Variants in FHIT observed in about 807,000 individuals in gnomAD.
The protein encoded by FHIT is fragile histidine triad diadenosine triphosphatase, also known as bis(5'-adenosyl)-triphosphatase.
In FHIT, 19 loss-of-function variants were observed where a neutral mutation model predicts 17.9. The ratio of observed to expected loss-of-function variants is 1.06; its 90% CI spans 0.74 to 1.56. FHIT has a LOEUF of 1.56. Ranked by LOEUF, FHIT falls within the 40% of genes most tolerant of loss-of-function variation. FHIT has a pLI of 0.00. For missense variants in FHIT, 248 were observed against 189.2 expected (o/e 1.31, Z -1.82); for synonymous variants, 81 against 69.7 (o/e 1.16, Z -0.81).
At chr3:60,068,567 A>C (rs1249958246) in intron 5 of FHIT, among the ~76,000 whole-genome samples, 1 of 152,214 alleles carries the variant, frequency 6.6e-6, no homozygotes, top group Non-Finnish European at 1.5e-5. Context: ...ACCCCACCCA[A>C]GGGGTATCCT....
intron 8 of FHIT, among the ~76,000 whole-genome samples, chr3:59,851,086 C>T (rs1248403399): frequency 6.6e-6 from 1 of 152,164 alleles, no homozygotes; most frequent in South Asian, 2.1e-4. Flanking sequence ...ATATTCTGAT[C>T]CAGGACTCAA....
chr3:60,863,773 AG>A (rs1704034599), intron 3 of FHIT, among the ~76,000 whole-genome samples: 1 of 152,212 alleles, frequency 6.6e-6, no homozygotes, highest in African/African-American at 2.4e-5. Context: ...AATAATGCAA[AG>A]AACATAATAA....
At chr3:60,238,470 A>G (rs1318417376) in intron 5 of FHIT, among the ~76,000 whole-genome samples, 1 of 150,408 alleles carries the variant, frequency 6.6e-6, no homozygotes. Flanking sequence ...AAAAAGTCAC[A>G]GCACCATGGA....
intron 5 of FHIT, among the ~76,000 whole-genome samples, chr3:60,432,317 G>A (rs73096283): frequency 0.1 from 15,246 of 151,944 alleles, 1,255 homozygotes; most frequent in East Asian, 0.38. Flanking sequence ...TATAGTTTTT[G>A]ACACATTGTA....
intron 3 of FHIT, among the ~76,000 whole-genome samples, chr3:60,961,193 G>A (rs1709419774): frequency 6.6e-6 from 1 of 152,186 alleles, no homozygotes; most frequent in Non-Finnish European, 1.5e-5. Flanking sequence ...GTGATGATGA[G>A]CATGTTTTCC....
chr3:60,971,816 C>T (rs1559877467), intron 3 of FHIT, among the ~76,000 whole-genome samples: 1 of 152,132 alleles, frequency 6.6e-6, no homozygotes, highest in Non-Finnish European at 1.5e-5. Flanking sequence ...AAGAATATTA[C>T]ACTTTTAAAA....
chr3:60,316,838 G>C (rs1305552642), intron 5 of FHIT, among the ~76,000 whole-genome samples: 2 of 152,146 alleles, frequency 1.3e-5, no homozygotes, highest in Non-Finnish European at 2.9e-5. Flanking sequence ...TCAATATTTT[G>C]ATTACTGATG....
intron 5 of FHIT, among the ~76,000 whole-genome samples, chr3:60,301,942 A>G (rs1264419044): frequency 2.0e-5 from 3 of 152,152 alleles, no homozygotes; most frequent in Admixed American, 6.5e-5. Flanking sequence ...AAACTGTAAG[A>G]GTAACCTTAT....
chr3:59,798,984 A>G (rs926111791), intron 8 of FHIT, among the ~76,000 whole-genome samples: 28 of 152,204 alleles, frequency 1.8e-4, no homozygotes, highest in African/African-American at 6.8e-4. Flanking sequence ...AACTCTCAGA[A>G]AGCCTTGTGC....
chr3:59,752,356 G>T, intron 8 of FHIT, 35 bp from the exon 9 acceptor site: 4 of 1,550,460 alleles, frequency 2.6e-6, no homozygotes, highest in Non-Finnish European at 3.5e-6. Context: ...GCTCTTTCAT[G>T]GGCCCTTGGG....
chr3:60,770,164 A>G (rs554752682), intron 4 of FHIT, among the ~76,000 whole-genome samples: 1 of 152,276 alleles, frequency 6.6e-6, no homozygotes, highest in Non-Finnish European at 1.5e-5. Context: ...AATGAGCAGA[A>G]GCATTGAGGG....
At chr3:60,955,597 CATATATATATATATATAT>C (rs201555469) in intron 3 of FHIT, among the ~76,000 whole-genome samples, 3 of 77,656 alleles carry the variant, frequency 3.9e-5, no homozygotes, top group African/African-American at 1.8e-4. Flanking sequence ...CATATATATA[CATATATATATATATATAT>C]ATATATATAT....
At chr3:60,043,057 C>T (rs1701507343) in intron 5 of FHIT, among the ~76,000 whole-genome samples, 1 of 152,156 alleles carries the variant, frequency 6.6e-6, no homozygotes, top group Non-Finnish European at 1.5e-5. Flanking sequence ...GCCTTTTCAA[C>T]CTGGGGGAAA....
chr3:59,758,487 C>T (rs545015709), intron 8 of FHIT, among the ~76,000 whole-genome samples: 60 of 152,142 alleles, frequency 3.9e-4, no homozygotes, highest in Non-Finnish European at 7.9e-4. Flanking sequence ...AAGCTGCAAA[C>T]AGCTTTGAAT....
intron 5 of FHIT, among the ~76,000 whole-genome samples, chr3:60,513,440 A>G (rs1320355667): frequency 6.6e-6 from 1 of 152,248 alleles, no homozygotes; most frequent in Non-Finnish European, 1.5e-5. Context: ...TATTGGCAGA[A>G]ACAGTGGTCC....
At chr3:60,124,057 C>CAG (rs779032573) in intron 5 of FHIT, among the ~76,000 whole-genome samples, 3 of 63,392 alleles carry the variant, frequency 4.7e-5, no homozygotes, top group African/African-American at 6.2e-5. Context: ...GAGAGAGAGA[C>CAG]AGAGAGAGAG....
intron 5 of FHIT, among the ~76,000 whole-genome samples, chr3:60,278,985 G>T (rs528944907): frequency 6.6e-6 from 1 of 151,970 alleles, no homozygotes; most frequent in East Asian, 1.9e-4. Flanking sequence ...CCCACAGAAA[G>T]AAAAACAATT....
intron 2 of FHIT, among the ~76,000 whole-genome samples, chr3:61,160,550 A>G (rs1167543134): frequency 1.3e-5 from 2 of 152,212 alleles, no homozygotes; most frequent in African/African-American, 4.8e-5. Flanking sequence ...AATAAAACAC[A>G]GGAACATACA....
At chr3:60,204,163 T>C (rs1433118484) in intron 5 of FHIT, among the ~76,000 whole-genome samples, 1 of 152,220 alleles carries the variant, frequency 6.6e-6, no homozygotes, top group Non-Finnish European at 1.5e-5. Context: ...ACTCATTGCA[T>C]GCCTGTATCA....
Sources: allele counts gnomAD v4.1 joint callset (sites outside exome capture counted in the v4.1 genomes callset), GRCh38; gene constraint gnomAD v4.1.1; transcripts MANE v1.5; gene names NCBI Gene and HGNC (gene_info 2026-07-23, HGNC 2026-07-21).